Variants in TXNL4A observed in about 807,000 individuals in gnomAD.
The protein encoded by TXNL4A is thioredoxin-like protein 4A.
TXNL4A carries 17 observed loss-of-function variants against 14.6 expected under a neutral mutation model. The observed-to-expected ratio is 1.16, with a 90% CI of 0.80 to 1.74. The LOEUF (loss-of-function observed/expected upper bound fraction) is 1.74, where lower values mean the gene tolerates loss of function less well. Among genes scored for constraint, TXNL4A ranks in the 40% most tolerant of loss-of-function variants. TXNL4A has a pLI of 0.00. For missense variants in TXNL4A, 74 were observed against 195.2 expected (o/e 0.38, Z 3.70); for synonymous variants, 83 against 70.6 (o/e 1.18, Z -0.88).
intron 1 of TXNL4A, among the ~76,000 whole-genome samples, chr18:80,013,479 G>A (rs1032554189): frequency 4.6e-5 from 7 of 151,638 alleles, no homozygotes; most frequent in African/African-American, 1.7e-4. Context: ...CTGTTGCCCA[G>A]GCTGGAGTGC....
intron 1 of TXNL4A, among the ~76,000 whole-genome samples, chr18:80,024,798 G>C (rs1253892836): frequency 6.6e-6 from 1 of 152,156 alleles, no homozygotes; most frequent in African/African-American, 2.4e-5. Context: ...CCAGGTAGCC[G>C]TGACACAGGT....
chr18:80,028,663 T>C (rs924455599), intron 1 of TXNL4A, among the ~76,000 whole-genome samples: 4 of 152,228 alleles, frequency 2.6e-5, no homozygotes, highest in Admixed American at 6.5e-5. Context: ...GGTCCTCTTC[T>C]GGAAGCCAGA....
intron 1 of TXNL4A, among the ~76,000 whole-genome samples, chr18:79,984,124 A>AAAATGG (rs2051507332): frequency 6.6e-6 from 1 of 152,108 alleles, no homozygotes; most frequent in Admixed American, 6.5e-5. Context: ...CAGAGGAAAC[A>AAAATGG]CCAAAAATAT....
At chr18:80,019,259 A>G (rs1323391426) in intron 1 of TXNL4A, among the ~76,000 whole-genome samples, 1 of 152,230 alleles carries the variant, frequency 6.6e-6, no homozygotes, top group African/African-American at 2.4e-5. Flanking sequence ...ACTTATTTCC[A>G]AATGGCTGGG....
chr18:79,996,103 C>CAG (rs375250744), intron 1 of TXNL4A, among the ~76,000 whole-genome samples: 1 of 61,316 alleles, frequency 1.6e-5, no homozygotes, highest in Non-Finnish European at 2.7e-5. Flanking sequence ...GACTCTGACT[C>CAG]AAAAAAAAAA....
chr18:79,980,077 T>C (rs114024438), intron 1 of TXNL4A, among the ~76,000 whole-genome samples: 465 of 152,236 alleles, frequency 3.1e-3, no homozygotes, highest in African/African-American at 9.9e-3. Context: ...CTGGTGTCCT[T>C]AGAGGAAAAT....
intron 1 of TXNL4A, among the ~76,000 whole-genome samples, chr18:79,984,208 G>A (rs767014632): frequency 7.9e-5 from 12 of 152,156 alleles, no homozygotes; most frequent in Non-Finnish European, 1.8e-4. Context: ...GGCGTTCTGT[G>A]ATCCTTAATG....
At chr18:80,009,312 C>G (rs915854670) in intron 1 of TXNL4A, among the ~76,000 whole-genome samples, 5 of 152,196 alleles carry the variant, frequency 3.3e-5, no homozygotes, top group Non-Finnish European at 5.9e-5. Flanking sequence ...AGTTATTGCT[C>G]TGTTGGGCAA....
chr18:80,008,128 G>T (rs1385806749), intron 1 of TXNL4A, among the ~76,000 whole-genome samples: 2 of 152,172 alleles, frequency 1.3e-5, no homozygotes, highest in South Asian at 4.1e-4. Context: ...CTCCAGCCTG[G>T]GAGATGGAGT....
At chr18:80,027,803 T>C (rs1027572516) in intron 1 of TXNL4A, among the ~76,000 whole-genome samples, 1 of 152,130 alleles carries the variant, frequency 6.6e-6, no homozygotes, top group Non-Finnish European at 1.5e-5. Flanking sequence ...AGTTAAGCAT[T>C]TGGAGGCATA....
chr18:79,988,208 A>T, intron 1 of TXNL4A, 32 bp downstream of exon 1: 1 of 1,483,830 alleles, frequency 6.7e-7, no homozygotes, highest in Non-Finnish European at 9.1e-7. Flanking sequence ...GCGGAAGCAC[A>T]GCCCGCAGAG....
intron 1 of TXNL4A, among the ~76,000 whole-genome samples, chr18:80,008,587 T>C (rs977107555): frequency 6.6e-6 from 1 of 152,074 alleles, no homozygotes; most frequent in African/African-American, 2.4e-5. Context: ...CCCCTTCCTG[T>C]CTTCTCCACA....
chr18:80,033,545 G>A (rs1434834934), intron 1 of TXNL4A, among the ~76,000 whole-genome samples: 2 of 152,264 alleles, frequency 1.3e-5, no homozygotes, highest in Non-Finnish European at 2.9e-5. Flanking sequence ...GCCCTGGAGG[G>A]CCCAGTGGCG....
At chr18:79,990,472 A>G (rs565276758), upstream of TXNL4A, among the ~76,000 whole-genome samples, 1 of 152,338 alleles carries the variant, frequency 6.6e-6, no homozygotes, top group South Asian at 2.1e-4. Flanking sequence ...TGATAAAACA[A>G]AATCTCCTGT....
intron 1 of TXNL4A, among the ~76,000 whole-genome samples, chr18:80,006,300 C>T (rs1490169926): frequency 6.6e-6 from 1 of 152,020 alleles, no homozygotes; most frequent in East Asian, 1.9e-4. Flanking sequence ...AGGAGAATCG[C>T]TTGAACCCAG....
At chr18:79,994,470 G>A (rs2051647490) in intron 1 of TXNL4A, among the ~76,000 whole-genome samples, 1 of 151,242 alleles carries the variant, frequency 6.6e-6, no homozygotes, top group South Asian at 2.1e-4. Flanking sequence ...TCTCCCTATA[G>A]GAGGCCAACA....
At chr18:79,986,595 CACTT>C (rs2051552238) in intron 1 of TXNL4A, 1 of 985,454 alleles carries the variant, frequency 1.0e-6, no homozygotes, top group Non-Finnish European at 1.2e-6. Flanking sequence ...AGACCCTAAA[CACTT>C]ACATTAACAC....
chr18:79,988,671 G>C (rs1327168009), upstream of TXNL4A: 1 of 267,240 alleles, frequency 3.7e-6, no homozygotes, highest in Non-Finnish European at 7.0e-6. Context: ...GTAGTTGGCC[G>C]GGTGGAGCGG....
intron 1 of TXNL4A, among the ~76,000 whole-genome samples, chr18:79,984,945 CTG>C (rs1319892321): frequency 2.6e-5 from 4 of 151,884 alleles, no homozygotes; most frequent in Non-Finnish European, 5.9e-5. Flanking sequence ...ATTGTCCCCT[CTG>C]AGAGCGTTCC....
Sources: allele counts gnomAD v4.1 joint callset (sites outside exome capture counted in the v4.1 genomes callset), GRCh38; gene constraint gnomAD v4.1.1; transcripts MANE v1.5; gene names NCBI Gene and HGNC (gene_info 2026-07-23, HGNC 2026-07-21).